Variants in MDGA1 observed in about 807,000 individuals in gnomAD.
The protein encoded by MDGA1 is MAM domain containing glycosylphosphatidylinositol anchor 1, also known as MAM domain-containing glycosylphosphatidylinositol anchor protein 1.
In MDGA1, 54 loss-of-function variants were observed where a neutral mutation model predicts 101.5. That is an observed-to-expected ratio of 0.53 (90% CI 0.43 to 0.67). MDGA1 has a LOEUF of 0.67. Among genes scored for constraint, MDGA1 ranks in the 30% least tolerant of loss-of-function variants. The pLI is 0.00. For synonymous variants in MDGA1, 533 were observed against 558.3 expected (o/e 0.95, Z 0.64); for missense variants, 1,083 against 1,323.8 (o/e 0.82, Z 2.82).
Position 37,654,353 on chromosome 6 carries a change from C to G in MDGA1, c.903G>C (p.Arg301=). ...CTGTGCAGTTGTAGTAGCCAGAGTC[C>G]CGGGCCTGCACTGAAGGGATGCTGA... ...GTLSIPSVQA[R]DSGYYNCTAT... The change falls in exon 6 of 17, where the codon CGG becomes CGC. Residue 301 remains arginine, a synonymous_variant. Coordinates refer to ENST00000434837, the MANE Select transcript of MDGA1 (RefSeq NM_153487.4). The G allele has an allele frequency of 6.2e-7, 1 of 1,610,946 alleles. No homozygotes were observed. The highest frequency in any genetic ancestry group is 8.5e-7 in the Non-Finnish European group (1 of 1,178,280).
At chr6:37,666,782 G>A (rs955937261) in intron 1 of MDGA1, among the ~76,000 whole-genome samples, 4 of 152,226 alleles carry the variant, frequency 2.6e-5, no homozygotes, top group Non-Finnish European at 5.9e-5. Context: ...TCAGAAAACA[G>A]GCATCACCAT....
At position 37,635,979 on chromosome 6, in the gene MDGA1, G is replaced by A. The variant is rs149056433; in HGVS notation, c.*1389C>T. 5.3e-6 allele frequency: 2 copies of A among 377,832 alleles called. No homozygotes were observed. The highest frequency in any genetic ancestry group is 4.1e-5 in the African/African-American group (2 of 48,360). The allele number at this position is 377,832 out of a possible 1,614,324, so 23.4% of individuals were successfully genotyped here. A position where few individuals can be genotyped will look rare whatever the true frequency, so the allele number is the denominator to read the frequency against. On this transcript the variant is annotated 3_prime_UTR_variant, in exon 17 of 17. Coordinates refer to ENST00000434837, the MANE Select transcript of MDGA1 (RefSeq NM_153487.4). ...TGTGAGATTGCACACACAGACCTGT[G>A]TTTGCACACACTCCTGCCCAACAAT...
At chr6:37,684,183 G>A (rs1010877323) in intron 1 of MDGA1, among the ~76,000 whole-genome samples, 1 of 152,204 alleles carries the variant, frequency 6.6e-6, no homozygotes, top group African/African-American at 2.4e-5. Context: ...CTGCCAGCTA[G>A]CTTGTTAATA....
chr6:37,678,106 C>T (rs976849178), intron 1 of MDGA1, among the ~76,000 whole-genome samples: 2 of 152,176 alleles, frequency 1.3e-5, no homozygotes, highest in Admixed American at 1.3e-4. Context: ...ATGGCCCCTC[C>T]ATCCACTGAC....
chr6:37,691,422 CA>C (rs1762305744), intron 1 of MDGA1, among the ~76,000 whole-genome samples: 1 of 152,174 alleles, frequency 6.6e-6, no homozygotes, highest in Non-Finnish European at 1.5e-5. Flanking sequence ...AGTCATGTGG[CA>C]CTTACACACT....
intron 1 of MDGA1, among the ~76,000 whole-genome samples, chr6:37,664,858 C>G (rs1276814442): frequency 9.2e-6 from 1 of 108,212 alleles, no homozygotes; most frequent in African/African-American, 3.3e-5. Flanking sequence ...CACACACACA[C>G]ACACACACAC....
intron 3 of MDGA1, among the ~76,000 whole-genome samples, chr6:37,657,672 G>T (rs1761522409): frequency 6.6e-6 from 1 of 152,222 alleles, no homozygotes; most frequent in African/African-American, 2.4e-5. Context: ...ACAGTTTCTG[G>T]GTACCTGACT....
chr6:37,676,821 C>T lies in MDGA1; in HGVS notation c.68-12715G>A, dbSNP rs139419529. Among the ~76,000 whole-genome samples, 1,232 of 150,012 alleles carry T rather than the reference C, an allele frequency of 8.2e-3. 21 individuals carry two copies. Among genetic ancestry groups the T allele is most frequent in the African/African-American group, 0.028 (1,147 of 40,742 alleles). ...CTGAGGCAGGAGAATTGCTTGAAGC[C>T]GGGAGGCAGAGGTTGCAGTGAGCTG... On this transcript the variant is annotated intron_variant, in intron 1 of 16. Coordinates refer to ENST00000434837, the MANE Select transcript of MDGA1 (RefSeq NM_153487.4).
intron 1 of MDGA1, among the ~76,000 whole-genome samples, chr6:37,692,077 A>G (rs1762318964): frequency 6.6e-6 from 1 of 152,210 alleles, no homozygotes; most frequent in Admixed American, 6.5e-5. Context: ...GAAGGCCCTA[A>G]GGAACCCTTT....
intron 1 of MDGA1, among the ~76,000 whole-genome samples, chr6:37,669,286 A>G (rs1031870319): frequency 6.6e-6 from 1 of 152,132 alleles, no homozygotes; most frequent in African/African-American, 2.4e-5. Context: ...ACCATATTAT[A>G]CCTTCTAAAT....
At chr6:37,690,514 C>T (rs1167510763) in intron 1 of MDGA1, among the ~76,000 whole-genome samples, 1 of 152,198 alleles carries the variant, frequency 6.6e-6, no homozygotes, top group African/African-American at 2.4e-5. Context: ...CACAGTGGCT[C>T]ACGCCTGTAA....
intron 3 of MDGA1, among the ~76,000 whole-genome samples, chr6:37,658,008 C>T (rs1761530630): frequency 6.6e-6 from 1 of 152,226 alleles, no homozygotes; most frequent in East Asian, 1.9e-4. Context: ...TAAATCAACC[C>T]ATCCTGCCCT....
intron 1 of MDGA1, among the ~76,000 whole-genome samples, chr6:37,689,910 G>T (rs893591797): frequency 3.9e-5 from 6 of 152,068 alleles, no homozygotes; most frequent in African/African-American, 1.2e-4. Context: ...TTCTCTACAT[G>T]ACAGCCAGAG....
chr6:37,686,840 T>C (rs1193011689), intron 1 of MDGA1, among the ~76,000 whole-genome samples: 1 of 152,170 alleles, frequency 6.6e-6, no homozygotes, highest in Non-Finnish European at 1.5e-5. Context: ...GAACCTACCT[T>C]GAGACTTGAG....
chr6:37,641,782 G>A (rs1764087765), intron 14 of MDGA1: 1 of 152,204 alleles, frequency 6.6e-6, no homozygotes, highest in Admixed American at 6.5e-5. Flanking sequence ...GGGTGGTGGA[G>A]TCCTGGTCAT....
chr6:37,668,249 TA>T (rs59059592), intron 1 of MDGA1, among the ~76,000 whole-genome samples: 258 of 129,024 alleles, frequency 2.0e-3, no homozygotes, highest in Admixed American at 3.7e-3. Flanking sequence ...AGATTCTGTC[TA>T]AAAAAAAAAA....
intron 9 of MDGA1, chr6:37,648,645 C>T: frequency 2.7e-6 from 1 of 373,310 alleles, no homozygotes; most frequent in Non-Finnish European, 4.8e-6. Flanking sequence ...GCCCAGGAAG[C>T]GGGCTGAGCT....
intron 13 of MDGA1, among the ~76,000 whole-genome samples, 184 bp from the exon 14 acceptor site, chr6:37,644,127 CCCCCACGCATCCTGCCTCA>C (rs1764164730): frequency 2.9e-5 from 1 of 34,198 alleles, no homozygotes; most frequent in African/African-American, 6.2e-5. Flanking sequence ...TCCTGCCTCA[CCCCCACGCATCCTGCCTCA>C]CCCCCACGCA....
chr6:37,657,269 C>T (rs1014495597), intron 3 of MDGA1, among the ~76,000 whole-genome samples: 28 of 152,318 alleles, frequency 1.8e-4, no homozygotes, highest in African/African-American at 6.7e-4. Flanking sequence ...TTTAAAGGGT[C>T]CCCTAGAGAG....
Sources: gnomAD v4.1 joint callset for allele counts (sites outside exome capture counted in the v4.1 genomes callset) on GRCh38, gnomAD v4.1.1 for gene constraint, MANE v1.5 for transcripts, NCBI Gene and HGNC (gene_info 2026-07-23, HGNC 2026-07-21) for gene names.